Variants in FOXN1 observed in about 807,000 individuals in gnomAD.
The protein encoded by FOXN1 is forkhead box N1, also known as forkhead box protein N1.
FOXN1 carries 15 observed loss-of-function variants against 49.0 expected under a neutral mutation model. The ratio of observed to expected loss-of-function variants is 0.31; its 90% CI spans 0.20 to 0.47. The LOEUF is 0.47. FOXN1 is among the 20% of genes least tolerant of loss of function. FOXN1 has a pLI of 1.00. For synonymous variants in FOXN1, 356 were observed against 369.0 expected (o/e 0.96, Z 0.40); for missense variants, 800 against 842.8 (o/e 0.95, Z 0.63).
chr17:28,524,135 C>T (rs778162730), intron 2 of FOXN1, 43 bp downstream of exon 2: 10 of 1,541,878 alleles, frequency 6.5e-6, no homozygotes, highest in East Asian at 4.9e-5. Context: ...CCAAGGCCTG[C>T]GGCTGCCCAG....
intron 1 of FOXN1, among the ~76,000 whole-genome samples, chr17:28,522,249 C>A (rs2069655669): frequency 6.6e-6 from 1 of 152,204 alleles, no homozygotes; most frequent in African/African-American, 2.4e-5. Flanking sequence ...CCAGAGCAGA[C>A]CCTCAGCAAA....
Position 28,535,163 on chromosome 17 carries a change from C to T in FOXN1, c.1592C>T (p.Ala531Val), listed in dbSNP as rs1183972801. The change falls in exon 8 of 9, where the codon GCC (alanine) becomes GTC (valine). Residue 531 changes from alanine (A) to valine (V), a missense_variant. Transcript: ENST00000579795. ...GGAGACCTTGGCACTGACCTGGATG[C>T]CATCAATCCCTCACTCACTGACTTC... is the stretch of plus-strand genomic sequence containing the variant. ...PDGDLGTDLD[A>V]INPSLTDFDF... The T allele has an allele frequency of 1.2e-6, 2 of 1,613,370 alleles. No individual in the cohort carries two copies. The highest frequency in any genetic ancestry group is 3.3e-5 in the Admixed American group (2 of 59,954).
At chr17:28,536,306 A>G (rs971525832) in intron 8 of FOXN1, among the ~76,000 whole-genome samples, 2 of 152,358 alleles carry the variant, frequency 1.3e-5, no homozygotes, top group Non-Finnish European at 2.9e-5. Context: ...CATGTGGGAT[A>G]CGAAAAACAT....
At position 28,527,330 on chromosome 17, in the gene FOXN1, T is replaced by C. The variant is rs568219000; in HGVS notation, c.668T>C (p.Met223Thr). 3 of 1,613,458 alleles carry C rather than the reference T, an allele frequency of 1.9e-6. No individual in the cohort carries two copies. The highest frequency in any genetic ancestry group is 2.2e-5 in the East Asian group (1 of 44,866). The change falls in exon 4 of 9, where the codon ATG (methionine) becomes ACG (threonine). Residue 223 changes from methionine to threonine, a missense_variant. Met to Thr is a moderately conservative substitution (Grantham distance 81). Transcript: ENST00000579795. ...TGCTACCAGCCTCCCTTGCAGCATA[T>C]GTACTGCTCCTCCCAGCCCCCCTTC... Reference protein sequence around the residue: ...MFCYQPPLQHMYCSSQPPFHQ... With the variant: ...MFCYQPPLQHTYCSSQPPFHQ...
intron 1 of FOXN1, among the ~76,000 whole-genome samples, chr17:28,522,545 G>A (rs2069661924): frequency 6.6e-6 from 1 of 152,212 alleles, no homozygotes; most frequent in South Asian, 2.1e-4. Context: ...TACTCTTGAG[G>A]CTGAGGCAGG....
At chr17:28,523,530 T>G (rs1162245518) in intron 1 of FOXN1, among the ~76,000 whole-genome samples, 1 of 152,136 alleles carries the variant, frequency 6.6e-6, no homozygotes, top group Non-Finnish European at 1.5e-5. Context: ...GCCCAGTCAC[T>G]GAATGGAGAC....
rs761546414 is a variant in FOXN1 at position 28,534,571 on chromosome 17, C to T, written c.1135+33C>T. The T allele has an allele frequency of 4.4e-6, 7 of 1,604,824 alleles. No homozygotes were observed. The East Asian group carries it at 1.3e-4, about 31-fold the overall frequency. On this transcript the variant is annotated intron_variant, in intron 7 of 8. Coordinates refer to ENST00000579795, the MANE Select transcript of FOXN1 (RefSeq NM_001369369.1). The surrounding 1 kb of genome is among the most constrained non-coding windows in gnomAD (Gnocchi z 4.1). ...CGGCCGGGCCACGCAAGGAAGGGCC[C>T]AGGGTACTCATGAGCCAAAAAAAAA...
chr17:28,529,509 A>G lies in FOXN1; in HGVS notation c.830+285A>G, dbSNP rs528383715. On this transcript the variant is annotated intron_variant, in intron 5 of 8. Coordinates refer to ENST00000579795, the MANE Select transcript of FOXN1 (RefSeq NM_001369369.1). ...GCCAAGGTCTCACCTCCTAGGGCCC[A>G]GGGCCTGGATCTGAGAATTTAAGGG... Among the ~76,000 whole-genome samples, 22 of 152,290 alleles carry G rather than the reference A, an allele frequency of 1.4e-4. No individual in the cohort carries two copies. The South Asian group carries it at 2.1e-3, about 14-fold the overall frequency.
intron 1 of FOXN1, among the ~76,000 whole-genome samples, chr17:28,515,171 C>T (rs1474279950): frequency 2.0e-5 from 3 of 152,154 alleles, no homozygotes; most frequent in South Asian, 4.1e-4. Flanking sequence ...CACATAAAGG[C>T]AGAGGAGGGG....
intron 1 of FOXN1, among the ~76,000 whole-genome samples, chr17:28,522,373 G>A (rs2069658989): frequency 2.0e-5 from 3 of 152,228 alleles, no homozygotes; most frequent in African/African-American, 7.2e-5. Flanking sequence ...GAGAGGCCGG[G>A]CACAGTGGCT....
At chr17:28,509,815 G>A (rs1402965785) in intron 1 of FOXN1, among the ~76,000 whole-genome samples, 3 of 152,234 alleles carry the variant, frequency 2.0e-5, no homozygotes, top group African/African-American at 4.8e-5. Flanking sequence ...GGGGCTGGGA[G>A]CGTAACTGAT....
rs2069987969 is a variant in FOXN1, at chr17:28,534,096, T to C, written c.928-235T>C. On this transcript the variant is annotated intron_variant, in intron 6 of 8. Transcript: ENST00000579795. This position sits in a 1 kb window ranked among gnomAD's most constrained non-coding sequence, Gnocchi z 4.1. ...CTGAGGGGTCAGGAAGGGATGCGGG[T>C]GGGATGAAGGCAGATTTGAGATGAA... 6.6e-6 allele frequency among the ~76,000 whole-genome samples: 1 copy of C among 152,016 alleles called. No homozygotes were observed. Among genetic ancestry groups the C allele is most frequent in the African/African-American group, 2.4e-5 (1 of 41,348 alleles).
intron 2 of FOXN1, 36 bp from the exon 3 acceptor site, chr17:28,524,467 C>T (rs755622893): frequency 1.3e-6 from 2 of 1,579,708 alleles, no homozygotes; most frequent in African/African-American, 1.3e-5. Flanking sequence ...CTGGTTCAGC[C>T]TCCACTCACA....
At chr17:28,531,979 C>T (rs943525833) in intron 6 of FOXN1, among the ~76,000 whole-genome samples, 8 of 152,104 alleles carry the variant, frequency 5.3e-5, no homozygotes, top group African/African-American at 1.9e-4. Context: ...GGTGAGTCGT[C>T]CCTGGAATTC....
intron 1 of FOXN1, among the ~76,000 whole-genome samples, chr17:28,520,540 T>C (rs1468461125): frequency 1.3e-5 from 2 of 152,202 alleles, no homozygotes; most frequent in Non-Finnish European, 2.9e-5. Flanking sequence ...GGGGTGGGCC[T>C]CTGAACTCTG....
chr17:28,529,276 C>T (rs978396647), intron 5 of FOXN1, 52 bp downstream of exon 5: 13 of 1,605,912 alleles, frequency 8.1e-6, no homozygotes, highest in Non-Finnish European at 9.4e-6. Context: ...GAGAGGGCCC[C>T]TGGGAACACT....
chr17:28,533,186 G>A (rs565110587), intron 6 of FOXN1, among the ~76,000 whole-genome samples: 9 of 152,304 alleles, frequency 5.9e-5, no homozygotes, highest in East Asian at 1.9e-4. Flanking sequence ...AGGAGTGGCC[G>A]CCCCTCATTA....
At chr17:28,523,186 C>T (rs2069677130) in intron 1 of FOXN1, among the ~76,000 whole-genome samples, 1 of 152,208 alleles carries the variant, frequency 6.6e-6, no homozygotes, top group Non-Finnish European at 1.5e-5. Context: ...GGCTCTAGGT[C>T]TTCATGGGGA....
chr17:28,524,940 C>T lies in FOXN1; in HGVS notation c.561C>T (p.Pro187=), dbSNP rs1168168787. 2 of 1,611,832 alleles carry T rather than the reference C, an allele frequency of 1.2e-6. No individual in the cohort carries two copies. Among genetic ancestry groups the T allele is most frequent in the South Asian group, 2.2e-5 (2 of 90,986 alleles). The part of the protein sequence containing the change: ...AEAWCNGLPY[P]SQEHGPQVLG... ...CCTGGTGTAACGGGCTCCCCTACCC[C>T]AGCCAGGAGCATGGCCCCCAAGTCC... The change falls in exon 3 of 9, where the codon CCC becomes CCT. Residue 187 remains proline, a synonymous_variant. Transcript: ENST00000579795.
Sources: allele counts gnomAD v4.1 joint callset (sites outside exome capture counted in the v4.1 genomes callset), GRCh38; gene constraint gnomAD v4.1.1; non-coding constraint Gnocchi (gnomAD v3.1); transcripts MANE v1.5; gene names NCBI Gene and HGNC (gene_info 2026-07-23, HGNC 2026-07-21).